The following ITSN2 variants were observed in gnomAD, a reference collection of about 807,000 sequenced individuals.
The protein encoded by ITSN2 is intersectin-2.
A neutral mutation model predicts 243.7 loss-of-function variants in ITSN2; 156 were observed. That is an observed-to-expected ratio of 0.64 (90% confidence interval 0.56 to 0.73). ITSN2 has a LOEUF of 0.73. ITSN2 is among the 30% of genes least tolerant of loss of function. The probability of loss-of-function intolerance (pLI) is 0.00; values close to 1 mark genes in which losing one functional copy is unlikely to be tolerated. For synonymous variants in ITSN2, 703 were observed against 699.9 expected (o/e 1.00, Z -0.07); for missense variants, 1,801 against 1,996.1 (o/e 0.90, Z 1.86).
chr2:24,311,150 TTTA>T (rs1156377485), intron 5 of ITSN2, among the ~76,000 whole-genome samples: 2 of 152,182 alleles, frequency 1.3e-5, no homozygotes, highest in Non-Finnish European at 2.9e-5. Flanking sequence ...TAGTAGATAC[TTTA>T]TGAGATCCAT....
At chr2:24,293,500 C>G in intron 15 of ITSN2, 188 bp downstream of exon 15, 1 of 359,816 alleles carries the variant, frequency 2.8e-6, no homozygotes, top group Non-Finnish European at 5.0e-6. Flanking sequence ...TTATTTTTAT[C>G]TACTTTTTAT....
chr2:24,206,774 G>A lies in ITSN2; in HGVS notation c.4678+1463C>T, dbSNP rs909692507. 5.3e-5 allele frequency among the ~76,000 whole-genome samples: 8 copies of A among 152,260 alleles called. No individual in the cohort carries two copies. The East Asian group carries it at 7.7e-4, about 15-fold the overall frequency. ...TGAGAAAAGCAGGGACTGAGAGGGC[G>A]CAAGCAGAGGCAACAGAGGATGAGC... On this transcript the variant is annotated intron_variant, in intron 37 of 39. Coordinates refer to ENST00000355123, the MANE Select transcript of ITSN2 (RefSeq NM_006277.3).
intron 8 of ITSN2, among the ~76,000 whole-genome samples, chr2:24,307,962 C>T (rs1682769563): frequency 6.6e-6 from 1 of 152,182 alleles, no homozygotes. Context: ...GCACTTAAAG[C>T]TCTATTATTT....
intron 29 of ITSN2, among the ~76,000 whole-genome samples, chr2:24,227,319 G>A (rs368466297): frequency 6.7e-6 from 1 of 149,916 alleles, no homozygotes; most frequent in Non-Finnish European, 1.5e-5. Flanking sequence ...TACAAAAAAC[G>A]GGAAAAATCC....
intron 28 of ITSN2, among the ~76,000 whole-genome samples, chr2:24,246,571 C>T (rs1673395395): frequency 6.6e-6 from 1 of 152,150 alleles, no homozygotes; most frequent in South Asian, 2.1e-4. Context: ...AACAATTTCA[C>T]ATTGAAAGAT....
chr2:24,338,825 T>C (rs1686734800), intron 1 of ITSN2, among the ~76,000 whole-genome samples: 1 of 152,050 alleles, frequency 6.6e-6, no homozygotes, highest in East Asian at 1.9e-4. Flanking sequence ...ACCCCAACTC[T>C]ACAAAAATAA....
chr2:24,213,873 T>C (rs1426785363), intron 32 of ITSN2, among the ~76,000 whole-genome samples: 1 of 152,220 alleles, frequency 6.6e-6, no homozygotes, highest in Non-Finnish European at 1.5e-5. Context: ...GGCTCTGTCC[T>C]CACTGCCTTA....
At chr2:24,218,182 G>A (rs922009747) in intron 30 of ITSN2, among the ~76,000 whole-genome samples, 169 bp from the exon 31 acceptor site, 3 of 152,166 alleles carry the variant, frequency 2.0e-5, no homozygotes, top group African/African-American at 7.2e-5. Flanking sequence ...ATTTTATACT[G>A]CATAATGTTC....
intron 28 of ITSN2, 68 bp from the exon 29 acceptor site, chr2:24,246,388 A>C: frequency 1.1e-6 from 1 of 886,162 alleles, no homozygotes; most frequent in Non-Finnish European, 1.7e-6. Flanking sequence ...AATCATTTGT[A>C]ATCTCCCTAG....
At chr2:24,279,235 C>T (rs979531810) in intron 17 of ITSN2, among the ~76,000 whole-genome samples, 3 of 152,094 alleles carry the variant, frequency 2.0e-5, no homozygotes, top group South Asian at 2.1e-4. Flanking sequence ...GTATTACTAA[C>T]GTAGATTACT....
At chr2:24,279,726 CT>C (rs955431908) in intron 17 of ITSN2, among the ~76,000 whole-genome samples, 237 of 78,250 alleles carry the variant, frequency 3.0e-3, no homozygotes, top group African/African-American at 9.9e-3. Flanking sequence ...TGTGAATTTT[CT>C]TTTTTTTTTT....
chr2:24,232,992 C>G (rs992808066), intron 29 of ITSN2, among the ~76,000 whole-genome samples: 1 of 152,182 alleles, frequency 6.6e-6, no homozygotes. Flanking sequence ...TTTTTTATGT[C>G]TAAGTGATAT....
intron 30 of ITSN2, chr2:24,220,313 A>G (rs1670323133): frequency 2.0e-6 from 2 of 985,146 alleles, no homozygotes; most frequent in African/African-American, 3.5e-5. Flanking sequence ...CATGGAAACA[A>G]AGGTATAGTA....
chr2:24,333,578 T>C (rs1418397234), intron 1 of ITSN2, among the ~76,000 whole-genome samples: 3 of 152,246 alleles, frequency 2.0e-5, no homozygotes, highest in Admixed American at 6.5e-5. Flanking sequence ...AGAATGTTCA[T>C]ATGATTTTCC....
At chr2:24,258,739 TC>T (rs1335676742) in intron 22 of ITSN2, among the ~76,000 whole-genome samples, 1 of 152,220 alleles carries the variant, frequency 6.6e-6, no homozygotes, top group African/African-American at 2.4e-5. Context: ...AAACTTTTTT[TC>T]CAATTTCACT....
At chr2:24,245,099 A>G (rs940549683) in intron 29 of ITSN2, among the ~76,000 whole-genome samples, 1 of 152,224 alleles carries the variant, frequency 6.6e-6, no homozygotes, top group African/African-American at 2.4e-5. Flanking sequence ...ATCATTTCAT[A>G]AAGGTAAAAA....
Position 24,208,267 on chromosome 2 carries a change from C to G in ITSN2, c.4648G>C (p.Glu1550Gln), listed in dbSNP as rs770524939. 1 of 1,612,530 alleles carries G rather than the reference C, an allele frequency of 6.2e-7. No homozygotes were observed. The highest frequency in any genetic ancestry group is 1.3e-5 in the African/African-American group (1 of 74,968). The change falls in exon 37 of 40, where the codon GAG becomes CAG. Residue 1550 changes from glutamate to glutamine, a missense_variant. This residue lies in a region of ITSN2 where 928 missense variants were observed against 1,065.4 expected (regional missense o/e 0.87). Coordinates refer to ENST00000355123, the MANE Select transcript of ITSN2 (RefSeq NM_006277.3). ...TAAGCTTTCTCACGCTTCTTCTTCT[C>G]GGTGTCGATGTACTGCTCAGACGCC... Reference protein sequence around the residue: ...KAASEQYIDTEKKKREKAYQA... With the variant: ...KAASEQYIDTQKKKREKAYQA...
At chr2:24,352,677 C>A (rs1688128922) in intron 1 of ITSN2, among the ~76,000 whole-genome samples, 1 of 151,964 alleles carries the variant, frequency 6.6e-6, no homozygotes, top group Non-Finnish European at 1.5e-5. Context: ...AACCAATAAG[C>A]CAGGAGACAT....
chr2:24,208,990 G>T, intron 36 of ITSN2, 110 bp downstream of exon 36: 2 of 1,236,634 alleles, frequency 1.6e-6, no homozygotes, highest in Non-Finnish European at 2.3e-6. Flanking sequence ...AGAGGTTCAG[G>T]ATACAGAATT....
Sources: allele counts gnomAD v4.1 joint callset (sites outside exome capture counted in the v4.1 genomes callset), GRCh38; gene constraint gnomAD v4.1.1; regional missense constraint gnomAD v4.1.1; transcripts MANE v1.5; gene names NCBI Gene and HGNC (gene_info 2026-07-23, HGNC 2026-07-21).